Variants in GPHN observed in about 807,000 individuals in gnomAD.
GPHN encodes gephyrin.
In GPHN, 17 loss-of-function variants were observed where a neutral mutation model predicts 95.5. The ratio of observed to expected loss-of-function variants is 0.18; its 90% CI spans 0.12 to 0.27. GPHN has a LOEUF of 0.27. Among genes scored for constraint, GPHN ranks in the 10% least tolerant of loss-of-function variants. GPHN has a pLI of 1.00. For synonymous variants in GPHN, 320 were observed against 322.5 expected (o/e 0.99, Z 0.08); for missense variants, 660 against 978.1 (o/e 0.67, Z 4.34).
chr14:66,948,822 T>G (rs890534901), intron 8 of GPHN, among the ~76,000 whole-genome samples: 1 of 152,178 alleles, frequency 6.6e-6, no homozygotes, highest in Non-Finnish European at 1.5e-5. Flanking sequence ...GTTTGTTTGT[T>G]TAGATGGGGT....
At chr14:67,382,782 G>GT in the GPHN span, 4 of 587,310 alleles carry the variant, frequency 6.8e-6, no homozygotes, top group East Asian at 5.9e-5. Flanking sequence ...TAAATGAGAA[G>GT]TTTTTTTATG....
the GPHN span, chr14:67,620,909 G>A: frequency 6.2e-7 from 1 of 1,614,156 alleles, no homozygotes; most frequent in South Asian, 1.1e-5. Context: ...AAAAGGAGTG[G>A]AGCATGGTCC....
chr14:67,707,969 T>A, the GPHN span, among the ~76,000 whole-genome samples: 19,226 of 152,254 alleles, frequency 0.13, 1,483 homozygotes, highest in South Asian at 0.33. Context: ...AAGCACACCA[T>A]TCCAGTCAAA....
chr14:66,544,518 A>G (rs994454856), intron 1 of GPHN, among the ~76,000 whole-genome samples: 103 of 152,090 alleles, frequency 6.8e-4, no homozygotes, highest in African/African-American at 2.3e-3. Flanking sequence ...TGCCTTGCAC[A>G]TTGTAAGTGC....
Position 67,143,358 on chromosome 14 carries a change from C to G in GPHN, c.1749-4C>G. 6.3e-7 allele frequency: 1 copy of G among 1,591,932 alleles called. No individual in the cohort carries two copies. The highest frequency in any genetic ancestry group is 8.6e-7 in the Non-Finnish European group (1 of 1,160,012). On this transcript the variant is annotated splice_region_variant and splice_polypyrimidine_tract_variant and intron_variant, in intron 17 of 22. Transcript: ENST00000478722. ...TTAATTTCTTTGTCTTTATTTTTTT[C>G]CAGCCCAGATGACTTACTCAATGCC...
At chr14:66,586,918 GA>G (rs1447938199) in intron 1 of GPHN, among the ~76,000 whole-genome samples, 3 of 152,018 alleles carry the variant, frequency 2.0e-5, no homozygotes, top group African/African-American at 7.2e-5. Flanking sequence ...AGAAATAAGT[GA>G]AATAGAGACT....
At chr14:67,208,177 TTGC>T in the GPHN span, 3 of 1,611,910 alleles carry the variant, frequency 1.9e-6, no homozygotes, top group African/African-American at 2.7e-5. Flanking sequence ...GTTACCTGAT[TTGC>T]TGCTGCTTTT....
chr14:66,893,360 A>T (rs2064633801), intron 5 of GPHN, among the ~76,000 whole-genome samples: 1 of 152,086 alleles, frequency 6.6e-6, no homozygotes, highest in South Asian at 2.1e-4. Flanking sequence ...TGTGAGCTGA[A>T]GCAGGGTGAG....
intron 2 of GPHN, among the ~76,000 whole-genome samples, chr14:66,688,025 A>G (rs1259030198): frequency 6.6e-6 from 1 of 152,230 alleles, no homozygotes; most frequent in Non-Finnish European, 1.5e-5. Flanking sequence ...TTACTAACTA[A>G]TAAGCTACTG....
intron 1 of GPHN, among the ~76,000 whole-genome samples, chr14:66,567,504 G>A (rs1441920174): frequency 6.6e-6 from 1 of 152,174 alleles, no homozygotes; most frequent in African/African-American, 2.4e-5. Flanking sequence ...AAGCCATAGA[G>A]TACATTGTGG....
intron 1 of GPHN, among the ~76,000 whole-genome samples, chr14:66,649,029 G>A (rs1057056392): frequency 3.9e-5 from 6 of 152,222 alleles, no homozygotes; most frequent in Admixed American, 3.3e-4. Context: ...TGGTAATACA[G>A]TTAATATAAA....
the GPHN span, among the ~76,000 whole-genome samples, chr14:67,265,846 G>A: frequency 7.0e-6 from 1 of 142,238 alleles, no homozygotes; most frequent in African/African-American, 2.6e-5. Flanking sequence ...GACAGAGTGA[G>A]ACTCCATCTC....
At chr14:66,910,161 C>T (rs2065599095) in intron 5 of GPHN, among the ~76,000 whole-genome samples, 2 of 151,858 alleles carry the variant, frequency 1.3e-5, no homozygotes. Context: ...CGGAAATACA[C>T]TAACTGCAGA....
intron 10 of GPHN, among the ~76,000 whole-genome samples, chr14:67,055,009 G>A (rs1351771929): frequency 6.6e-6 from 1 of 152,138 alleles, no homozygotes; most frequent in Non-Finnish European, 1.5e-5. Flanking sequence ...GAAAATCTAG[G>A]CAATACCATT....
chr14:67,324,897 ATT>A, the GPHN span, among the ~76,000 whole-genome samples: 10 of 76,322 alleles, frequency 1.3e-4, no homozygotes, highest in South Asian at 4.4e-4. Context: ...CCTTCCTTTC[ATT>A]TTTTTTTTTT....
At chr14:67,674,500 G>GATA in the GPHN span, 1 of 1,584,708 alleles carries the variant, frequency 6.3e-7, no homozygotes, top group Non-Finnish European at 8.6e-7. Context: ...GGCGCAGGCC[G>GATA]CGCTGGAGCA....
chr14:67,712,493 C>CAAAAAAAAAAAA, the GPHN span, among the ~76,000 whole-genome samples: 8 of 38,928 alleles, frequency 2.1e-4, no homozygotes, highest in Non-Finnish European at 4.5e-4. Flanking sequence ...AAAAAACTTG[C>CAAAAAAAAAAAA]AAAAAAAAAA....
At chr14:66,989,747 A>T (rs922852026) in intron 9 of GPHN, among the ~76,000 whole-genome samples, 1 of 151,860 alleles carries the variant, frequency 6.6e-6, no homozygotes, top group Non-Finnish European at 1.5e-5. Context: ...GCTTAGCTGA[A>T]TTTTCAGTTT....
intron 1 of GPHN, among the ~76,000 whole-genome samples, chr14:66,571,775 C>T (rs913581826): frequency 6.6e-6 from 1 of 152,160 alleles, no homozygotes; most frequent in Non-Finnish European, 1.5e-5. Flanking sequence ...CGTGCCACTG[C>T]ATTCTAGTCT....
Sources: gnomAD v4.1 joint callset for allele counts (sites outside exome capture counted in the v4.1 genomes callset) on GRCh38, gnomAD v4.1.1 for gene constraint, MANE v1.5 for transcripts, NCBI Gene and HGNC (gene_info 2026-07-23, HGNC 2026-07-21) for gene names.